The following SLC7A1 variants were observed in gnomAD, a reference collection of about 807,000 sequenced individuals.
The protein encoded by SLC7A1 is solute carrier family 7 member 1.
SLC7A1 carries 10 observed loss-of-function variants against 53.9 expected under a neutral mutation model. The ratio of observed to expected loss-of-function variants is 0.19; its 90% CI spans 0.11 to 0.31. SLC7A1 has a LOEUF of 0.31. Among genes scored for constraint, SLC7A1 ranks in the 10% least tolerant of loss-of-function variants. The pLI, the probability that SLC7A1 is intolerant of heterozygous loss-of-function variation, is 1.00. For missense variants in SLC7A1, 525 were observed against 827.2 expected, an observed-to-expected ratio of 0.63 and a Z score of 4.48; for synonymous variants, 342 against 338.7, an observed-to-expected ratio of 1.01 and a Z score of -0.11.
chr13:29,570,438 C>T (rs1403512668), intron 1 of SLC7A1, among the ~76,000 whole-genome samples: 2 of 152,188 alleles, frequency 1.3e-5, no homozygotes, highest in Non-Finnish European at 2.9e-5. Flanking sequence ...CCATCTGAAG[C>T]GGGGATAATG....
intron 1 of SLC7A1, among the ~76,000 whole-genome samples, chr13:29,567,677 A>G (rs1871027991): frequency 6.6e-6 from 1 of 152,184 alleles, no homozygotes; most frequent in Admixed American, 6.5e-5. Flanking sequence ...CCTCCCACGG[A>G]TGCAACCCGG....
chr13:29,537,046 G>T lies in SLC7A1; in HGVS notation c.-14-844C>A, dbSNP rs73154436. On this transcript the variant is annotated intron_variant, in intron 2 of 12. Coordinates refer to ENST00000380752, the MANE Select transcript of SLC7A1 (RefSeq NM_003045.5). The stretch of plus-strand genomic sequence containing the variant: ...TTCCTCCAACCTACGGGCCCACCTT[G>T]CCCGACCAGATGCGACAGGTGAGCC... Among the ~76,000 whole-genome samples the T allele has an allele frequency of 5.5e-3, 837 of 152,322 alleles. 3 individuals are homozygous for T. The highest frequency in any genetic ancestry group is 0.01 in the Middle Eastern group (3 of 294).
intron 1 of SLC7A1, among the ~76,000 whole-genome samples, chr13:29,572,553 T>C (rs947466773): frequency 6.6e-6 from 1 of 152,074 alleles, no homozygotes; most frequent in Admixed American, 6.6e-5. Flanking sequence ...CCGGATGCCA[T>C]CAGTTATCAT....
At chr13:29,534,528 A>C (rs956718276) in intron 3 of SLC7A1, among the ~76,000 whole-genome samples, 2 of 152,252 alleles carry the variant, frequency 1.3e-5, no homozygotes, top group Non-Finnish European at 2.9e-5. Flanking sequence ...GTTGGCTCTC[A>C]GCAGATACTG....
At chr13:29,553,075 C>T (rs567055467) in intron 2 of SLC7A1, among the ~76,000 whole-genome samples, 130 of 152,300 alleles carry the variant, frequency 8.5e-4, no homozygotes, top group Non-Finnish European at 1.3e-3. Context: ...TCTCAAGCTG[C>T]AAGGAACAGC....
chr13:29,528,724 C>G (rs538776941), intron 5 of SLC7A1, among the ~76,000 whole-genome samples: 1 of 152,350 alleles, frequency 6.6e-6, no homozygotes, highest in South Asian at 2.1e-4. Context: ...ATGGCCGATC[C>G]CCTGCCGTCC....
At chr13:29,556,238 T>C (rs557448851) in intron 1 of SLC7A1, among the ~76,000 whole-genome samples, 2 of 152,200 alleles carry the variant, frequency 1.3e-5, no homozygotes, top group African/African-American at 2.4e-5. Context: ...TGTAAAACAA[T>C]GCCACTCTTC....
chr13:29,516,977 G>C (rs1883576007), intron 11 of SLC7A1, 167 bp downstream of exon 11: 2 of 573,970 alleles, frequency 3.5e-6, no homozygotes, highest in Admixed American at 7.0e-5. Context: ...TCCAGGGTCT[G>C]GTCCTCTCTG....
At chr13:29,561,314 C>T (rs1324266777) in intron 1 of SLC7A1, among the ~76,000 whole-genome samples, 3 of 152,098 alleles carry the variant, frequency 2.0e-5, no homozygotes, top group African/African-American at 2.4e-5. Flanking sequence ...TTAGTGGTGA[C>T]GCGCTGAGGG....
chr13:29,530,834 C>A, intron 4 of SLC7A1, 122 bp from the exon 5 acceptor site: 1 of 675,144 alleles, frequency 1.5e-6, no homozygotes, highest in East Asian at 2.7e-5. Context: ...CCTCTGCAGA[C>A]CTCTGTGAGC....
chr13:29,520,087 T>A (rs114499091), intron 8 of SLC7A1, among the ~76,000 whole-genome samples: 1 of 152,016 alleles, frequency 6.6e-6, no homozygotes, highest in Non-Finnish European at 1.5e-5. Flanking sequence ...CATCAATCCA[T>A]CTCATCCATC....
intron 2 of SLC7A1, among the ~76,000 whole-genome samples, chr13:29,549,912 C>T: frequency 6.6e-6 from 1 of 152,204 alleles, no homozygotes; most frequent in East Asian, 1.9e-4. Context: ...ATCCACCCAC[C>T]TCAGCCTCAC....
rs142264664 is a variant in SLC7A1, at chr13:29,573,249, G to A, written c.-114-19389C>T. On this transcript the variant is annotated intron_variant, in intron 1 of 12. Transcript: ENST00000380752. ...AAAAAGCAGTCTTGCCACATGTCCT[G>A]TGTCCAACAGAACAGATAGAACTAT... is the stretch of plus-strand genomic sequence containing the variant. Among the ~76,000 whole-genome samples the A allele has an allele frequency of 1.6e-4, 25 of 152,246 alleles. No individual in the cohort carries two copies. The East Asian group carries it at 4.8e-3, about 29-fold the overall frequency.
chr13:29,536,183 C>T lies in SLC7A1; in HGVS notation c.6G>A (p.Gly2=), dbSNP rs1252329941. ...GCCCAATGTTGAGCAGGACTTTGCA[C>T]CCCATGTTGCTGTTCAGAGCTGTTG... M[G]CKVLLNIGQQ... The change falls in exon 3 of 13, where the codon GGG becomes GGA. Residue 2 remains glycine (G), a synonymous_variant. Coordinates refer to ENST00000380752, the MANE Select transcript of SLC7A1 (RefSeq NM_003045.5). 3 of 1,612,014 alleles carry T rather than the reference C, an allele frequency of 1.9e-6. No homozygotes were observed. The highest frequency in any genetic ancestry group is 2.5e-6 in the Non-Finnish European group (3 of 1,178,566).
chr13:29,568,566 C>T (rs1273026676), intron 1 of SLC7A1, among the ~76,000 whole-genome samples: 1 of 152,244 alleles, frequency 6.6e-6, no homozygotes, highest in African/African-American at 2.4e-5. Flanking sequence ...CCTAAAATCA[C>T]CTTGCACACA....
chr13:29,523,804 T>C (rs1289184567), intron 6 of SLC7A1, among the ~76,000 whole-genome samples: 1 of 152,192 alleles, frequency 6.6e-6, no homozygotes, highest in Non-Finnish European at 1.5e-5. Flanking sequence ...GCCTATTCAG[T>C]CCGCCAGGAT....
chr13:29,569,868 G>T (rs1167385819), intron 1 of SLC7A1, among the ~76,000 whole-genome samples: 1 of 152,146 alleles, frequency 6.6e-6, no homozygotes, highest in Non-Finnish European at 1.5e-5. Context: ...GCTGAGGCAG[G>T]AGTCGCCCCA....
chr13:29,572,883 T>C (rs1057173563), intron 1 of SLC7A1, among the ~76,000 whole-genome samples: 5 of 152,026 alleles, frequency 3.3e-5, no homozygotes, highest in African/African-American at 1.2e-4. Flanking sequence ...GTAATCAACA[T>C]CTAAAGCTGC....
intron 4 of SLC7A1, among the ~76,000 whole-genome samples, chr13:29,531,160 G>A (rs889619499): frequency 6.6e-6 from 1 of 152,226 alleles, no homozygotes; most frequent in Non-Finnish European, 1.5e-5. Context: ...ACATTTTTCA[G>A]AAGAGGAAAT....
Sources: gnomAD v4.1 joint callset for allele counts (sites outside exome capture counted in the v4.1 genomes callset) on GRCh38, gnomAD v4.1.1 for gene constraint, MANE v1.5 for transcripts, NCBI Gene and HGNC (gene_info 2026-07-23, HGNC 2026-07-21) for gene names.